Variants in ERBB4 observed in about 807,000 individuals in gnomAD.
ERBB4 encodes the protein erb-b2 receptor tyrosine kinase 4, also known as receptor tyrosine-protein kinase erbB-4.
In ERBB4, 42 loss-of-function variants were observed where a neutral mutation model predicts 158.0. That is an observed-to-expected ratio of 0.27 (90% CI 0.21 to 0.34). ERBB4 has a LOEUF of 0.34. Ranked by LOEUF, ERBB4 falls within the 10% of genes least tolerant of loss-of-function variation. ERBB4 has a pLI of 1.00. For synonymous variants in ERBB4, 583 were observed against 558.7 expected, an observed-to-expected ratio of 1.04 and a Z score of -0.61; for missense variants, 1,333 against 1,624.1, an observed-to-expected ratio of 0.82 and a Z score of 3.08.
At chr2:211,733,005 A>T (rs903649632) in intron 5 of ERBB4, among the ~76,000 whole-genome samples, 2 of 152,080 alleles carry the variant, frequency 1.3e-5, no homozygotes, top group African/African-American at 4.8e-5. Context: ...ACAAAAAAAG[A>T]GTAGGCCCAT....
At position 211,377,492 on chromosome 2, in the gene ERBB4, C is replaced by T. The variant is rs1394315741; in HGVS notation, c.*6123G>A. 5 of 232,838 alleles carry T rather than the reference C, an allele frequency of 2.1e-5. No homozygotes were observed. Among genetic ancestry groups the T allele is most frequent in the Non-Finnish European group, 3.4e-5 (4 of 117,664 alleles). The allele number at this position is 232,838 out of a possible 1,614,324, so 14.4% of individuals were successfully genotyped here. ...AAGAGCAAAAGTAGGTAAAGGATGG[C>T]ATTCTATTAAACAACATGGATTTTC... is the stretch of plus-strand genomic sequence containing the variant. On this transcript the variant is annotated 3_prime_UTR_variant, in exon 28 of 28. Coordinates refer to ENST00000342788, the MANE Select transcript of ERBB4 (RefSeq NM_005235.3).
chr2:211,527,859 G>A (rs1260485858), intron 20 of ERBB4, among the ~76,000 whole-genome samples: 1 of 151,492 alleles, frequency 6.6e-6, no homozygotes, highest in African/African-American at 2.4e-5. Flanking sequence ...AAAATGCAAT[G>A]GATACACAAA....
chr2:212,136,959 C>T (rs1035697986), intron 1 of ERBB4, among the ~76,000 whole-genome samples: 1 of 151,928 alleles, frequency 6.6e-6, no homozygotes, highest in Non-Finnish European at 1.5e-5. Flanking sequence ...GGATAAAAAA[C>T]AAAAAGCACC....
intron 1 of ERBB4, among the ~76,000 whole-genome samples, chr2:212,157,668 G>A (rs939469837): frequency 2.0e-5 from 3 of 152,024 alleles, no homozygotes; most frequent in African/African-American, 7.2e-5. Flanking sequence ...TTAAGAATAA[G>A]AAGCTTGTTT....
intron 13 of ERBB4, among the ~76,000 whole-genome samples, chr2:211,678,302 A>AAC (rs1231772926): frequency 0.084 from 342 of 4,056 alleles, 3 homozygotes; most frequent in African/African-American, 0.14. Context: ...CAAACAAACA[A>AAC]AAAAAAACAA....
At chr2:212,268,018 T>G (rs73986913) in intron 1 of ERBB4, among the ~76,000 whole-genome samples, 42 of 151,776 alleles carry the variant, frequency 2.8e-4, no homozygotes, top group Middle Eastern at 3.4e-3. Flanking sequence ...ACAGAACAAA[T>G]CTTTTTAGCA....
chr2:211,678,183 A>G (rs1289551319), intron 13 of ERBB4, among the ~76,000 whole-genome samples: 1 of 152,058 alleles, frequency 6.6e-6, no homozygotes, highest in African/African-American at 2.4e-5. Flanking sequence ...TTTCAAAACC[A>G]CTTCAAATAG....
intron 4 of ERBB4, among the ~76,000 whole-genome samples, chr2:211,757,706 T>G (rs1298588025): frequency 6.6e-6 from 1 of 152,336 alleles, no homozygotes; most frequent in African/African-American, 2.4e-5. Flanking sequence ...AGACAGGATA[T>G]CAGACAGATA....
At chr2:211,631,744 C>T (rs375219724) in intron 16 of ERBB4, among the ~76,000 whole-genome samples, 254 of 152,184 alleles carry the variant, frequency 1.7e-3, no homozygotes, top group African/African-American at 5.9e-3. Flanking sequence ...GAGTGAAACA[C>T]ACAGGTGTTA....
intron 2 of ERBB4, among the ~76,000 whole-genome samples, chr2:211,947,902 T>C (rs1324137186): frequency 2.0e-5 from 3 of 152,138 alleles, no homozygotes; most frequent in Non-Finnish European, 4.4e-5. Context: ...GATTTGAATA[T>C]AGTTAAAGGA....
At chr2:212,450,417 T>C (rs2092428294) in intron 1 of ERBB4, among the ~76,000 whole-genome samples, 1 of 152,010 alleles carries the variant, frequency 6.6e-6, no homozygotes, top group African/African-American at 2.4e-5. Context: ...AAAAAGAAAG[T>C]TCAGAGTTAA....
At position 211,383,407 on chromosome 2, in the gene ERBB4, A is replaced by C. The variant is rs1192713059; in HGVS notation, c.*208T>G. ...AACCCATGCAGAGAAATGAAGAAAC[A>C]TTGTGGTTCCTCCTATCTTTCTCTT... On this transcript the variant is annotated 3_prime_UTR_variant, in exon 28 of 28. Transcript: ENST00000342788. 5.2e-6 allele frequency: 3 copies of C among 581,962 alleles called. No individual in the cohort carries two copies. Among genetic ancestry groups the C allele is most frequent in the Admixed American group, 5.9e-5 (2 of 33,722 alleles). 36.0% of individuals were successfully genotyped at this position (581,962 alleles called of 1,614,324 possible). A position where few individuals can be genotyped will look rare whatever the true frequency, so the allele number is the denominator to read the frequency against.
chr2:211,624,982 A>C (rs1045651025), intron 17 of ERBB4, among the ~76,000 whole-genome samples: 3 of 151,738 alleles, frequency 2.0e-5, no homozygotes, highest in Admixed American at 2.0e-4. Context: ...TGATAGTTTT[A>C]GACGTCATCA....
chr2:211,826,226 A>G (rs1258582351), intron 3 of ERBB4, among the ~76,000 whole-genome samples: 1 of 151,790 alleles, frequency 6.6e-6, no homozygotes, highest in East Asian at 1.9e-4. Context: ...CATAGAGTGC[A>G]TAATCCTTCA....
rs574852399 is a variant in ERBB4 at position 211,412,315 on chromosome 2, T to C, written c.3135+8126A>G. Among the ~76,000 whole-genome samples, 54 of 152,304 alleles carry C rather than the reference T, an allele frequency of 3.5e-4. No homozygotes were observed. In the South Asian group the frequency reaches 0.011, roughly 32 times the overall value. On this transcript the variant is annotated intron_variant, in intron 25 of 27. Transcript: ENST00000342788. ...AAACACATTTCTTCACCTTTGTTTGTGGTGGGGGGTTTTATTTGTTTGTTT... is the reference window on the plus strand; with the variant it reads ...AAACACATTTCTTCACCTTTGTTTGCGGTGGGGGGTTTTATTTGTTTGTTT...
intron 2 of ERBB4, among the ~76,000 whole-genome samples, chr2:211,982,967 A>C (rs2125235168): frequency 6.6e-6 from 1 of 152,312 alleles, no homozygotes; most frequent in East Asian, 1.9e-4. Flanking sequence ...ACATTACAAA[A>C]CATTTTTGAC....
chr2:211,505,889 G>C (rs1029418977), intron 20 of ERBB4, among the ~76,000 whole-genome samples: 2 of 151,076 alleles, frequency 1.3e-5, no homozygotes, highest in African/African-American at 4.9e-5. Flanking sequence ...GAACCTGGGA[G>C]GCAGAGCTTG....
At chr2:211,813,352 G>C (rs1296956417) in intron 3 of ERBB4, among the ~76,000 whole-genome samples, 1 of 152,198 alleles carries the variant, frequency 6.6e-6, no homozygotes, top group East Asian at 1.9e-4. Context: ...TTGCAACGCT[G>C]TGTGGTTTTG....
chr2:211,905,827 A>C (rs1166954274), intron 3 of ERBB4, among the ~76,000 whole-genome samples: 1 of 149,620 alleles, frequency 6.7e-6, no homozygotes, highest in African/African-American at 2.5e-5. Context: ...ATTTGGAAAA[A>C]CACTTAAAGA....
Sources: allele counts gnomAD v4.1 joint callset (sites outside exome capture counted in the v4.1 genomes callset), GRCh38; gene constraint gnomAD v4.1.1; transcripts MANE v1.5; gene names NCBI Gene and HGNC (gene_info 2026-07-23, HGNC 2026-07-21).